Variants in SMG9 observed in about 807,000 individuals in gnomAD.
SMG9 encodes the protein SMG9 nonsense mediated mRNA decay factor.
SMG9 carries 55 observed loss-of-function variants against 64.0 expected under a neutral mutation model. The ratio of observed to expected loss-of-function variants is 0.86; its 90% CI spans 0.69 to 1.08. The LOEUF is 1.08. Ranked by LOEUF, SMG9 falls within the 50% of genes least tolerant of loss-of-function variation. The pLI, the probability that SMG9 is intolerant of heterozygous loss-of-function variation, is 0.00. For missense variants in SMG9, 554 were observed against 681.3 expected, an observed-to-expected ratio of 0.81 and a Z score of 2.08; for synonymous variants, 244 against 254.8, an observed-to-expected ratio of 0.96 and a Z score of 0.41.
rs1457826986 is a variant in SMG9 at position 43,729,085 on chromosome 19, A to G, written c.*2511T>C. 1 of 963,032 alleles carries G rather than the reference A, an allele frequency of 1.0e-6. No individual in the cohort carries two copies. The highest frequency in any genetic ancestry group is 1.2e-6 in the Non-Finnish European group (1 of 809,604). The allele number at this position is 963,032 out of a possible 1,614,324, so 59.7% of individuals were successfully genotyped here. ...AGGGGGTGGCGGGTGACCGGTACAT[A>G]CTTACCCACTGTTCAGAAGGCTACT... On this transcript the variant is annotated 3_prime_UTR_variant, in exon 14 of 14. Transcript: ENST00000270066.
rs754994414 is a variant in SMG9 at position 43,740,196 on chromosome 19, T to C, written c.724A>G (p.Ser242Gly). The part of the protein sequence containing the change: ...DQRTYVFRAQ[S>G]AEMKERGGNQ... ...CCCCCTCGTTCCTTCATTTCAGCGCTCTGGGCCCGGAAAACATAAGTCCTG... is the reference window on the plus strand; with the variant it reads ...CCCCCTCGTTCCTTCATTTCAGCGCCCTGGGCCCGGAAAACATAAGTCCTG... The change falls in exon 7 of 14, where the codon AGC becomes GGC. Residue 242 changes from serine to glycine, a missense_variant. Ser to Gly is a moderately conservative substitution (Grantham distance 56, BLOSUM62 0). Transcript: ENST00000270066. 4 of 1,613,950 alleles carry C rather than the reference T, an allele frequency of 2.5e-6. No individual in the cohort carries two copies. In the Admixed American group the frequency reaches 5.0e-5, roughly 20 times the overall value.
intron 12 of SMG9, 97 bp from the exon 13 acceptor site, chr19:43,733,099 A>T (rs780365645): frequency 1.4e-5 from 20 of 1,451,938 alleles, no homozygotes; most frequent in Non-Finnish European, 1.9e-5. Flanking sequence ...CTGAGAGTTC[A>T]GCCCCGGCTG....
chr19:43,748,202 T>A, intron 2 of SMG9, 150 bp from the exon 3 acceptor site: 1 of 1,003,774 alleles, frequency 1.0e-6, no homozygotes. Flanking sequence ...TACCCCCACT[T>A]TACAGATGAA....
intron 1 of SMG9, among the ~76,000 whole-genome samples, chr19:43,753,933 AC>A (rs540150314): frequency 0.1 from 8,564 of 85,346 alleles, 742 homozygotes; most frequent in African/African-American, 0.36. Flanking sequence ...AAAAAAAAAA[AC>A]CCCACCCACA....
chr19:43,731,002 C>A lies in SMG9; in HGVS notation c.*594G>T. On this transcript the variant is annotated 3_prime_UTR_variant, in exon 14 of 14. Coordinates refer to ENST00000270066, the MANE Select transcript of SMG9 (RefSeq NM_019108.4). ...CCATCCAAAACATACACAGGGGAGG[C>A]TTGATGCCACCCCAGGAAACAGAAT... 1 of 505,826 alleles carries A rather than the reference C, an allele frequency of 2.0e-6. No homozygotes were observed. The highest frequency in any genetic ancestry group is 2.6e-6 in the Non-Finnish European group (1 of 391,664). 31.3% of individuals were successfully genotyped at this position (505,826 alleles called of 1,614,324 possible).
chr19:43,735,585 A>C (rs972247924), intron 9 of SMG9, among the ~76,000 whole-genome samples: 3 of 139,434 alleles, frequency 2.2e-5, no homozygotes, highest in Non-Finnish European at 3.0e-5. Flanking sequence ...ACTGCACTCC[A>C]GCCTGGGTAA....
At chr19:43,752,902 T>TAAAAAA (rs775445159) in intron 1 of SMG9, among the ~76,000 whole-genome samples, 5 of 96,318 alleles carry the variant, frequency 5.2e-5, no homozygotes, top group South Asian at 5.8e-4. Context: ...AGACCCTGTC[T>TAAAAAA]AAAAAAAAAA....
At chr19:43,736,935 G>C (rs1600195006) in intron 9 of SMG9, among the ~76,000 whole-genome samples, 1 of 152,198 alleles carries the variant, frequency 6.6e-6, no homozygotes, top group African/African-American at 2.4e-5. Context: ...GAGTGCAGAG[G>C]TCCTGGGCTG....
In SMG9 at chr19:43,748,032, G is replaced by A; in HGVS notation, c.171C>T (p.Ser57=). 4.3e-6 allele frequency: 7 copies of A among 1,611,922 alleles called. No homozygotes were observed. The South Asian group carries it at 4.4e-5, about 10-fold the overall frequency. The part of the protein sequence containing the change: ...RERRDASEET[S]TSVMQKTPII... ...TGGGGGTTTTCTGCATGACGGAAGTGCTTGTCTCTTCGCTGGCATCCTGTG... is the reference window on the plus strand; with the variant it reads ...TGGGGGTTTTCTGCATGACGGAAGTACTTGTCTCTTCGCTGGCATCCTGTG... Residue 57 remains serine (S), a synonymous_variant, in exon 3 of 14, where the codon AGC becomes AGT. Transcript: ENST00000270066.
intron 6 of SMG9, among the ~76,000 whole-genome samples, chr19:43,743,959 G>C (rs746836135): frequency 4.6e-5 from 7 of 152,126 alleles, no homozygotes; most frequent in Non-Finnish European, 1.0e-4. Flanking sequence ...CACCCCAGTG[G>C]CTACTATCCA....
At chr19:43,751,811 G>C (rs141563615) in intron 1 of SMG9, among the ~76,000 whole-genome samples, 5 of 152,312 alleles carry the variant, frequency 3.3e-5, no homozygotes, top group Admixed American at 2.0e-4. Context: ...CAAGGTTGGG[G>C]GGTTCCACGT....
chr19:43,748,093 G>A (rs749717600), intron 2 of SMG9, 41 bp from the exon 3 acceptor site: 54 of 1,569,374 alleles, frequency 3.4e-5, no homozygotes, highest in Non-Finnish European at 3.9e-5. Context: ...TGGCTCTCCT[G>A]GACATTCCAG....
chr19:43,731,890 G>T (rs1466098692), intron 13 of SMG9, among the ~76,000 whole-genome samples: 1 of 152,256 alleles, frequency 6.6e-6, no homozygotes, highest in Non-Finnish European at 1.5e-5. Context: ...ATGCAAAGCT[G>T]AAGGTTCCAG....
At position 43,732,860 on chromosome 19, in the gene SMG9, G is replaced by A. The variant is rs748330620; in HGVS notation, c.1482C>T (p.Asn494=). 1.2e-6 allele frequency: 2 copies of A among 1,613,888 alleles called. No individual in the cohort carries two copies. Among genetic ancestry groups the A allele is most frequent in the African/African-American group, 1.3e-5 (1 of 74,996 alleles). ...CCCCCTCTGCAAAGAGCTCTTACCAGTTCTTCTCGGTGAGGATCGTGTGTG... is the reference window on the plus strand; with the variant it reads ...CCCCCTCTGCAAAGAGCTCTTACCAATTCTTCTCGGTGAGGATCGTGTGTG... ...QLSHTILTEK[N]WFHYAARIWD... Residue 494 remains asparagine (N), a splice_region_variant and synonymous_variant, in exon 13 of 14, where the codon AAC becomes AAT. Coordinates refer to ENST00000270066, the MANE Select transcript of SMG9 (RefSeq NM_019108.4).
At chr19:43,754,056 C>T (rs1339247261) in intron 1 of SMG9, among the ~76,000 whole-genome samples, 1 of 152,132 alleles carries the variant, frequency 6.6e-6, no homozygotes, top group Non-Finnish European at 1.5e-5. Context: ...GGTGACTTCC[C>T]GAAAATTAAC....
chr19:43,750,303 T>C (rs1176899977), intron 2 of SMG9: 1 of 602,098 alleles, frequency 1.7e-6, no homozygotes, highest in Non-Finnish European at 3.2e-6. Context: ...CCTCAGGGCC[T>C]CTGCGCTTGC....
intron 9 of SMG9, among the ~76,000 whole-genome samples, chr19:43,736,572 C>T (rs1968673717): frequency 6.6e-6 from 1 of 152,206 alleles, no homozygotes; most frequent in African/African-American, 2.4e-5. Context: ...CAGGAGGGCA[C>T]ACGAGCCTGA....
chr19:43,752,824 T>C (rs1030905838), intron 1 of SMG9, among the ~76,000 whole-genome samples: 1 of 149,812 alleles, frequency 6.7e-6, no homozygotes, highest in African/African-American at 2.5e-5. Context: ...TGGGATCACT[T>C]GAGCCTGGGA....
chr19:43,730,440 G>A lies in SMG9; in HGVS notation c.*1156C>T, dbSNP rs548723255. On this transcript the variant is annotated 3_prime_UTR_variant, in exon 14 of 14. Transcript: ENST00000270066. ...AAGCAAGAGTAGATGAGGTTTACGA[G>A]AGGAAAGCCACTGTATTTAACCAAC... 6.6e-6 allele frequency: 1 copy of A among 152,350 alleles called. No homozygotes were observed. Among genetic ancestry groups the A allele is most frequent in the Admixed American group, 6.5e-5 (1 of 15,296 alleles). The allele number at this position is 152,350 out of a possible 1,614,324, so 9.4% of individuals were successfully genotyped here.
Sources: allele counts gnomAD v4.1 joint callset (sites outside exome capture counted in the v4.1 genomes callset), GRCh38; gene constraint gnomAD v4.1.1; transcripts MANE v1.5; gene names NCBI Gene and HGNC (gene_info 2026-07-23, HGNC 2026-07-21).